Variants in C11orf65 observed in about 807,000 individuals in gnomAD.
C11orf65 encodes the protein protein MFI.
Under a neutral mutation model 35.3 loss-of-function variants are expected in C11orf65, and 38 were observed. The observed-to-expected ratio is 1.08, with a 90% CI of 0.83 to 1.41. C11orf65 has a LOEUF of 1.41. Among genes scored for constraint, C11orf65 ranks in the 40% most tolerant of loss-of-function variants. The probability of loss-of-function intolerance (pLI) is 0.00; values close to 1 mark genes in which losing one functional copy is unlikely to be tolerated. For synonymous variants in C11orf65, 105 were observed against 114.4 expected (o/e 0.92, Z 0.53); for missense variants, 370 against 367.1 (o/e 1.01, Z -0.06).
At chr11:108,443,732 C>A (rs887935792) in intron 2 of C11orf65, among the ~76,000 whole-genome samples, 3 of 152,040 alleles carry the variant, frequency 2.0e-5, no homozygotes, top group African/African-American at 7.2e-5. Context: ...GGGTACATAA[C>A]AAAATGAAGG....
In C11orf65 at chr11:108,399,001, T is replaced by C. The variant is rs572287535; in HGVS notation, c.561-5623A>G. On this transcript the variant is annotated intron_variant, in intron 6 of 8. Transcript: ENST00000393084. ...TATCTCATTACTGGGGGCAAAGCAATGGCCTTTGCTATACAGTCAGCTGTG... is the reference window on the plus strand; with the variant it reads ...TATCTCATTACTGGGGGCAAAGCAACGGCCTTTGCTATACAGTCAGCTGTG... 7.1e-4 allele frequency among the ~76,000 whole-genome samples: 108 copies of C among 152,296 alleles called. 1 individual carries two copies. Among genetic ancestry groups the C allele is most frequent in the African/African-American group, 2.5e-3 (102 of 41,564 alleles).
At chr11:108,468,209 G>C (rs1230829067), upstream of C11orf65, among the ~76,000 whole-genome samples, 1 of 152,174 alleles carries the variant, frequency 6.6e-6, no homozygotes, top group Non-Finnish European at 1.5e-5. Flanking sequence ...CTATTTGACA[G>C]GTCTTGCTCA....
At chr11:108,322,352 C>T (rs930075873) in intron 6 of C11orf65, among the ~76,000 whole-genome samples, 1 of 152,120 alleles carries the variant, frequency 6.6e-6, no homozygotes, top group African/African-American at 2.4e-5. Context: ...CGGGGTTTCG[C>T]CTTGTTGGTC....
chr11:108,321,615 T>G (rs550028519), intron 6 of C11orf65, among the ~76,000 whole-genome samples: 13 of 152,098 alleles, frequency 8.5e-5, no homozygotes, highest in Non-Finnish European at 4.4e-5. Context: ...AAACCCTATC[T>G]CTACTAAAAA....
chr11:108,427,861 C>CGCTCTGTT (rs1488664859), intron 3 of C11orf65, among the ~76,000 whole-genome samples: 12 of 79,114 alleles, frequency 1.5e-4, no homozygotes. Flanking sequence ...GACAGAGTCT[C>CGCTCTGTT]GCTCTGTTGC....
intron 1 of C11orf65, 128 bp downstream of exon 1, chr11:108,467,343 A>T (rs2093553084): frequency 1.3e-5 from 2 of 152,284 alleles, no homozygotes; most frequent in South Asian, 2.1e-4. Context: ...AGAGGGGCGG[A>T]TGGGGAATGG....
At chr11:108,389,111 G>A (rs1183164064) in intron 7 of C11orf65, among the ~76,000 whole-genome samples, 1 of 152,206 alleles carries the variant, frequency 6.6e-6, no homozygotes, top group African/African-American at 2.4e-5. Context: ...GTAGAAAAAT[G>A]TCCATAGACG....
chr11:108,385,289 C>A (rs2091964588), intron 8 of C11orf65, among the ~76,000 whole-genome samples: 1 of 152,092 alleles, frequency 6.6e-6, no homozygotes, highest in Non-Finnish European at 1.5e-5. Context: ...CCAGGCTGGT[C>A]TCGAACTCCT....
intron 6 of C11orf65, chr11:108,319,891 T>G: frequency 1.7e-6 from 2 of 1,178,154 alleles, no homozygotes; most frequent in Non-Finnish European, 2.5e-6. Flanking sequence ...GTGAAGCTAT[T>G]TATACATGTA....
At position 108,393,379 on chromosome 11, in the gene C11orf65, C is replaced by G; in HGVS notation, c.561-1G>C. On this transcript the variant is annotated splice_acceptor_variant, in intron 6 of 8. Coordinates refer to ENST00000393084, the MANE Select transcript of C11orf65 (RefSeq NM_152587.5). LOFTEE classifies it high-confidence loss of function. ...AGCCTCCAGACTTCCTGAGTAGTAC[C>G]TAAATAGGCAAAAGGGAAAGAGAAG... 6.2e-7 allele frequency: 1 copy of G among 1,611,390 alleles called. No homozygotes were observed. Among genetic ancestry groups the G allele is most frequent in the Non-Finnish European group, 8.5e-7 (1 of 1,178,152 alleles).
At chr11:108,395,930 T>A (rs539231431) in intron 6 of C11orf65, among the ~76,000 whole-genome samples, 39 of 151,930 alleles carry the variant, frequency 2.6e-4, no homozygotes, top group African/African-American at 8.9e-4. Context: ...CAAAATTTTT[T>A]AAAATAATAA....
chr11:108,445,314 G>A (rs1382975740), intron 2 of C11orf65, among the ~76,000 whole-genome samples: 2 of 152,142 alleles, frequency 1.3e-5, no homozygotes, highest in African/African-American at 4.8e-5. Context: ...CTCCTCAAGT[G>A]GGTCCCTGAC....
intron 2 of C11orf65, among the ~76,000 whole-genome samples, chr11:108,364,007 G>A (rs968779986): frequency 6.6e-6 from 1 of 152,070 alleles, no homozygotes. Context: ...AGTCACATAG[G>A]AAACCTTGAA....
intron 2 of C11orf65, chr11:108,366,029 C>CAAAA (rs369583811): frequency 3.0e-5 from 3 of 100,474 alleles, no homozygotes; most frequent in East Asian, 3.6e-4. Flanking sequence ...AACTCCATCT[C>CAAAA]AAAAAAAAAA....
At chr11:108,404,090 C>A (rs2092492787) in intron 6 of C11orf65, among the ~76,000 whole-genome samples, 1 of 152,134 alleles carries the variant, frequency 6.6e-6, no homozygotes, top group Non-Finnish European at 1.5e-5. Flanking sequence ...CTTTCCAAAT[C>A]CCTGACCATC....
At chr11:108,364,311 A>G (rs1488459834) in intron 2 of C11orf65, among the ~76,000 whole-genome samples, 1 of 152,202 alleles carries the variant, frequency 6.6e-6, no homozygotes, top group Non-Finnish European at 1.5e-5. Context: ...CATTTGCTAA[A>G]GCCTATTTTT....
At chr11:108,323,384 C>T (rs1053372634) in intron 6 of C11orf65, among the ~76,000 whole-genome samples, 3 of 152,000 alleles carry the variant, frequency 2.0e-5, no homozygotes, top group African/African-American at 7.2e-5. Flanking sequence ...ATGGTAGTAA[C>T]CAGAGGCAGG....
intron 6 of C11orf65, among the ~76,000 whole-genome samples, chr11:108,397,959 G>A (rs2092357463): frequency 6.6e-6 from 1 of 152,128 alleles, no homozygotes; most frequent in Non-Finnish European, 1.5e-5. Flanking sequence ...AAAGATCCAT[G>A]GGGCACATCA....
intron 2 of C11orf65, among the ~76,000 whole-genome samples, chr11:108,450,466 C>A (rs2093331275): frequency 6.6e-6 from 1 of 151,334 alleles, no homozygotes; most frequent in African/African-American, 2.4e-5. Context: ...GAGTTCATGA[C>A]CTTTGTAGGA....
Sources: gnomAD v4.1 joint callset for allele counts (sites outside exome capture counted in the v4.1 genomes callset) on GRCh38, gnomAD v4.1.1 for gene constraint, MANE v1.5 for transcripts, NCBI Gene and HGNC (gene_info 2026-07-23, HGNC 2026-07-21) for gene names.